The following ADGRL3 variants were observed in gnomAD, a reference collection of about 807,000 sequenced individuals.
ADGRL3 encodes the protein adhesion G protein-coupled receptor L3.
In ADGRL3, 62 loss-of-function variants were observed where a neutral mutation model predicts 153.5. The observed-to-expected ratio is 0.40, with a 90% confidence interval of 0.33 to 0.50. The LOEUF (loss-of-function observed/expected upper bound fraction) is 0.50. ADGRL3 is among the 20% of genes least tolerant of loss of function. The probability of loss-of-function intolerance (pLI) is 0.47; values close to 1 mark genes in which losing one functional copy is unlikely to be tolerated. For synonymous variants in ADGRL3, 710 were observed against 672.5 expected (o/e 1.06, Z -0.86); for missense variants, 1,641 against 1,859.4 (o/e 0.88, Z 2.16).
At chr4:61,644,268 G>GT (rs2093845410) in intron 5 of ADGRL3, among the ~76,000 whole-genome samples, 1 of 145,466 alleles carries the variant, frequency 6.9e-6, no homozygotes, top group Non-Finnish European at 1.5e-5. Context: ...TTTTTGAAGG[G>GT]TTTTTTGTGT....
intron 1 of ADGRL3, among the ~76,000 whole-genome samples, chr4:61,208,963 G>T (rs1028857528): frequency 6.6e-6 from 1 of 151,976 alleles, no homozygotes; most frequent in African/African-American, 2.4e-5. Context: ...TATACATTCC[G>T]ATTACCTTTA....
At chr4:61,892,607 C>T in intron 9 of ADGRL3, 49 bp from the exon 10 acceptor site, 1 of 1,359,984 alleles carries the variant, frequency 7.4e-7, no homozygotes, top group Non-Finnish European at 1.1e-6. Context: ...ATCTTGAGGT[C>T]CTCCTGTGAA....
chr4:61,899,672 AAACC>A (rs1047930871), intron 11 of ADGRL3, among the ~76,000 whole-genome samples: 11 of 152,192 alleles, frequency 7.2e-5, no homozygotes, highest in East Asian at 3.9e-4. Flanking sequence ...ACAAACAAAC[AAACC>A]AACCATAGAC....
chr4:61,680,594 G>A (rs2095315305), intron 6 of ADGRL3, among the ~76,000 whole-genome samples: 1 of 151,940 alleles, frequency 6.6e-6, no homozygotes, highest in African/African-American at 2.4e-5. Flanking sequence ...CATAAGTGAA[G>A]TAAAGTATCT....
In ADGRL3 at chr4:61,405,781, T is replaced by C. The variant is rs182637038; in HGVS notation, c.-174+22592T>C. Reference sequence around the variant, plus strand: ...TGCAAAACATGTTTTCCACGTGGCCTAATGGTAAGCTTTCTAAATAATTAA... The same window carrying C: ...TGCAAAACATGTTTTCCACGTGGCCCAATGGTAAGCTTTCTAAATAATTAA... On this transcript the variant is annotated intron_variant, in intron 2 of 26. Transcript: ENST00000683033. Among the ~76,000 whole-genome samples, 433 of 152,074 alleles carry C rather than the reference T, an allele frequency of 2.8e-3. 2 individuals are homozygous for C. Among genetic ancestry groups the C allele is most frequent in the African/African-American group, 1.0e-2 (415 of 41,526 alleles).
chr4:61,646,291 A>T (rs1435067099), intron 5 of ADGRL3, among the ~76,000 whole-genome samples: 32 of 152,278 alleles, frequency 2.1e-4, no homozygotes. Flanking sequence ...AGCTCGTCAA[A>T]GTCATTCTCC....
At chr4:61,456,114 T>A (rs893419606) in intron 2 of ADGRL3, among the ~76,000 whole-genome samples, 27 of 151,888 alleles carry the variant, frequency 1.8e-4, no homozygotes, top group Non-Finnish European at 3.2e-4. Flanking sequence ...GACCCTACAT[T>A]ATTTTAAGAA....
chr4:61,420,603 T>A (rs2097194128), intron 2 of ADGRL3: 1 of 151,660 alleles, frequency 6.6e-6, no homozygotes, highest in Non-Finnish European at 1.5e-5. Flanking sequence ...AGACGGGGTT[T>A]CACCGTGTTA....
intron 9 of ADGRL3, among the ~76,000 whole-genome samples, chr4:61,890,944 A>G (rs908095798): frequency 1.0e-3 from 40 of 38,206 alleles, no homozygotes; most frequent in African/African-American, 5.2e-3. Flanking sequence ...TTGATTTATT[A>G]TATATGCAAA....
At chr4:61,973,020 C>T (rs1341244944) in intron 17 of ADGRL3, among the ~76,000 whole-genome samples, 1 of 151,546 alleles carries the variant, frequency 6.6e-6, no homozygotes, top group Admixed American at 6.6e-5. Context: ...AGAAAAAAAA[C>T]CTATCCAGAA....
At chr4:61,555,891 C>G (rs540745091) in intron 4 of ADGRL3, among the ~76,000 whole-genome samples, 3 of 152,272 alleles carry the variant, frequency 2.0e-5, no homozygotes, top group Admixed American at 6.5e-5. Context: ...GTGAGGACAA[C>G]CAGAGGTCAC....
intron 2 of ADGRL3, among the ~76,000 whole-genome samples, chr4:61,444,967 G>A (rs2606715): frequency 0.93 from 140,777 of 151,992 alleles, 66,157 homozygotes; most frequent in East Asian, 1. Context: ...TGGAAGGATC[G>A]CTTGAGCCCA....
chr4:61,370,743 G>T (rs2096505736), intron 1 of ADGRL3, among the ~76,000 whole-genome samples: 1 of 151,852 alleles, frequency 6.6e-6, no homozygotes, highest in East Asian at 1.9e-4. Context: ...ATGTCTATTA[G>T]GTCCGCTTGG....
chr4:61,359,977 T>C (rs1164773663), intron 1 of ADGRL3, among the ~76,000 whole-genome samples: 16 of 152,192 alleles, frequency 1.1e-4, no homozygotes, highest in Admixed American at 1.0e-3. Flanking sequence ...TGATTAGTCA[T>C]TATCTGTAGT....
chr4:61,407,571 C>G (rs2097018908), intron 2 of ADGRL3, among the ~76,000 whole-genome samples: 1 of 152,016 alleles, frequency 6.6e-6, no homozygotes, highest in African/African-American at 2.4e-5. Flanking sequence ...CTGTGTAAAC[C>G]AATTTTTAGT....
rs2098503837 is a variant in ADGRL3 at position 61,517,467 on chromosome 4, A to T, written c.208A>T (p.Thr70Ser). The T allele has an allele frequency of 1.3e-6, 1 of 778,910 alleles. No homozygotes were observed. The highest frequency in any genetic ancestry group is 2.2e-6 in the Non-Finnish European group (1 of 454,740). The allele number at this position is 778,910 out of a possible 1,614,324, so 48.2% of individuals were successfully genotyped here. A position where few individuals can be genotyped will look rare whatever the true frequency, so the allele number is the denominator to read the frequency against. The stretch of plus-strand genomic sequence containing the variant: ...TCGTGGACAAGGGCCCCGTGGAGCT[A>T]CCAGAGGAGTTCGCGGTCCAGGTGC... ...AHRGQGPRGA[T>S]RGVRGPGAQG... Residue 70 changes from threonine (T) to serine (S), a missense_variant, in exon 4 of 27, where the codon ACC becomes TCC. Physicochemically the swap from Thr to Ser is moderately conservative, Grantham distance 58 (BLOSUM62 1). Transcript: ENST00000683033.
Position 61,831,411 on chromosome 4 carries a change from T to TAAA in ADGRL3, c.1480+17552_1480+17554dup, listed in dbSNP as rs1166970099. ...GATGAAGAAAGGAAAAGATGCTAAG[T>TAAA]AAAAAAAAAAAAAAAAAAAAAAAAA... On this transcript the variant is annotated intron_variant, in intron 9 of 26. Coordinates refer to ENST00000683033, the MANE Select transcript of ADGRL3 (RefSeq NM_001387552.1). 3.0e-3 allele frequency among the ~76,000 whole-genome samples: 112 copies of TAAA among 37,242 alleles called. 2 individuals are homozygous for TAAA. The highest frequency in any genetic ancestry group is 3.4e-3 in the Non-Finnish European group (72 of 21,066). 24.4% of individuals were successfully genotyped at this position (37,242 alleles called of 152,430 possible). A position where few individuals can be genotyped will look rare whatever the true frequency, so the allele number is the denominator to read the frequency against.
chr4:61,787,415 A>T (rs1016504414), intron 8 of ADGRL3, among the ~76,000 whole-genome samples: 11 of 151,896 alleles, frequency 7.2e-5, no homozygotes, highest in Admixed American at 6.6e-4. Flanking sequence ...GGAATGACTA[A>T]TTTTTTTGCT....
intron 19 of ADGRL3, among the ~76,000 whole-genome samples, chr4:61,988,763 G>C (rs2099094289): frequency 6.6e-6 from 1 of 152,258 alleles, no homozygotes; most frequent in African/African-American, 2.4e-5. Flanking sequence ...ACCAGGAAAA[G>C]GGAGAGAGCA....
Sources: gnomAD v4.1 joint callset for allele counts (sites outside exome capture counted in the v4.1 genomes callset) on GRCh38, gnomAD v4.1.1 for gene constraint, MANE v1.5 for transcripts, NCBI Gene and HGNC (gene_info 2026-07-23, HGNC 2026-07-21) for gene names.